Variants in TAFA1 observed in about 807,000 individuals in gnomAD.
The protein encoded by TAFA1 is chemokine-like protein TAFA-1.
TAFA1 carries 4 observed loss-of-function variants against 18.5 expected under a neutral mutation model. That is an observed-to-expected ratio of 0.22 (90% CI 0.11 to 0.49). The LOEUF (loss-of-function observed/expected upper bound fraction) is 0.49, where lower values mean the gene tolerates loss of function less well. TAFA1 is among the 20% of genes least tolerant of loss of function. The pLI is 0.98. For missense variants in TAFA1, 147 were observed against 169.0 expected, an observed-to-expected ratio of 0.87 and a Z score of 0.72; for synonymous variants, 56 against 55.2, an observed-to-expected ratio of 1.01 and a Z score of -0.06.
At chr3:68,316,062 G>A (rs192628363) in intron 2 of TAFA1, among the ~76,000 whole-genome samples, 1 of 152,324 alleles carries the variant, frequency 6.6e-6, no homozygotes, top group East Asian at 1.9e-4. Flanking sequence ...ATAATTCCCA[G>A]AGAATATGTG....
At chr3:68,514,180 A>T (rs2072888691) in intron 3 of TAFA1, among the ~76,000 whole-genome samples, 1 of 152,166 alleles carries the variant, frequency 6.6e-6, no homozygotes, top group African/African-American at 2.4e-5. Context: ...GGAGGTTAGG[A>T]ATTCAATGTA....
intron 2 of TAFA1, among the ~76,000 whole-genome samples, chr3:68,108,104 A>C (rs2065223617): frequency 6.6e-6 from 1 of 152,142 alleles, no homozygotes; most frequent in Admixed American, 6.6e-5. Context: ...TATAAAAATC[A>C]CCTTTTACAG....
At position 68,499,977 on chromosome 3, in the gene TAFA1, C is replaced by A. The variant is rs1303777765; in HGVS notation, c.260-38779C>A. On this transcript the variant is annotated intron_variant, in intron 3 of 4. Transcript: ENST00000478136. The stretch of plus-strand genomic sequence containing the variant: ...ACTGCAAGTACACGATAATAAACCA[C>A]AGGTTTTCTTAAGGCATAGCCTCAA... Among the ~76,000 whole-genome samples, 7 of 151,206 alleles carry A rather than the reference C, an allele frequency of 4.6e-5. No homozygotes were observed. The East Asian group carries it at 1.4e-3, about 30-fold the overall frequency.
chr3:68,191,545 G>A lies in TAFA1; in HGVS notation c.118+184801G>A, dbSNP rs1428452547. Among the ~76,000 whole-genome samples, 42 of 151,944 alleles carry A rather than the reference G, an allele frequency of 2.8e-4. No individual in the cohort carries two copies. The South Asian group carries it at 8.5e-3, about 31-fold the overall frequency. ...ATTGGTTTGGCTTTAGTACATACCT[G>A]TAGGATTGATGAATTGAAATATTTG... On this transcript the variant is annotated intron_variant, in intron 2 of 4. Coordinates refer to ENST00000478136, the MANE Select transcript of TAFA1 (RefSeq NM_213609.4).
At chr3:68,194,513 G>A (rs2066387830) in intron 2 of TAFA1, among the ~76,000 whole-genome samples, 1 of 151,728 alleles carries the variant, frequency 6.6e-6, no homozygotes, top group Non-Finnish European at 1.5e-5. Flanking sequence ...CAATCGTTAT[G>A]AAAGATATAT....
chr3:68,323,749 G>A (rs1298086719), intron 2 of TAFA1, among the ~76,000 whole-genome samples: 7 of 152,168 alleles, frequency 4.6e-5, no homozygotes, highest in Non-Finnish European at 8.8e-5. Context: ...AGCATGACAT[G>A]AGGCAGTGTT....
intron 2 of TAFA1, among the ~76,000 whole-genome samples, chr3:68,289,341 A>C (rs1418768421): frequency 1.3e-5 from 2 of 151,998 alleles, no homozygotes; most frequent in African/African-American, 4.8e-5. Context: ...TCTTTCCTCT[A>C]TGGTTCATGT....
intron 2 of TAFA1, among the ~76,000 whole-genome samples, chr3:68,026,397 C>T (rs986015268): frequency 6.6e-6 from 1 of 151,366 alleles, no homozygotes; most frequent in African/African-American, 2.4e-5. Context: ...ATCCAAATGG[C>T]AAGTTACTAT....
chr3:68,392,015 A>G (rs1287426844), intron 2 of TAFA1, among the ~76,000 whole-genome samples: 1 of 152,078 alleles, frequency 6.6e-6, no homozygotes, highest in Non-Finnish European at 1.5e-5. Flanking sequence ...AACAATACTA[A>G]CCTTAAATGT....
At chr3:68,371,858 G>T (rs2069713001) in intron 2 of TAFA1, among the ~76,000 whole-genome samples, 1 of 152,200 alleles carries the variant, frequency 6.6e-6, no homozygotes, top group Non-Finnish European at 1.5e-5. Flanking sequence ...ATTGGGAATG[G>T]TGCTACTGGT....
At chr3:68,011,181 C>A (rs1308688301) in intron 2 of TAFA1, among the ~76,000 whole-genome samples, 5 of 151,868 alleles carry the variant, frequency 3.3e-5, no homozygotes, top group African/African-American at 1.2e-4. Context: ...TATAAATCAT[C>A]TCAAAATTAT....
chr3:67,997,228 A>C, the TAFA1 span, among the ~76,000 whole-genome samples: 1 of 152,258 alleles, frequency 6.6e-6, no homozygotes, highest in African/African-American at 2.4e-5. Context: ...AATCTTAATT[A>C]CACCAAATAA....
chr3:67,999,650 T>C (rs1704262652), upstream of TAFA1, among the ~76,000 whole-genome samples: 2 of 151,406 alleles, frequency 1.3e-5, no homozygotes, highest in Admixed American at 1.3e-4. Flanking sequence ...GACAGTTTCC[T>C]TTTTTTTTCT....
chr3:68,082,150 C>T lies in TAFA1; in HGVS notation c.118+75406C>T, dbSNP rs559266835. ...GACCCCTTGCGCTTCCCAAGTGAGG[C>T]AGTGCCTCACCCTGCTTCGGCTCGC... On this transcript the variant is annotated intron_variant, in intron 2 of 4. Transcript: ENST00000478136. Among the ~76,000 whole-genome samples the T allele has an allele frequency of 6.6e-5, 10 of 152,214 alleles. No homozygotes were observed. The South Asian group carries it at 1.9e-3, about 28-fold the overall frequency.
At chr3:68,271,952 T>A (rs1254456884) in intron 2 of TAFA1, among the ~76,000 whole-genome samples, 3 of 152,118 alleles carry the variant, frequency 2.0e-5, no homozygotes, top group African/African-American at 7.2e-5. Flanking sequence ...TATGGTTAAG[T>A]GATTTTCAAG....
chr3:68,193,219 G>C (rs949529207), intron 2 of TAFA1, among the ~76,000 whole-genome samples: 1 of 151,782 alleles, frequency 6.6e-6, no homozygotes, highest in South Asian at 2.1e-4. Flanking sequence ...GCTAACTGTG[G>C]TATTTAGGGA....
rs1458359945 is a variant in TAFA1, at chr3:68,362,402, G to A, written c.119-54878G>A. 3.3e-5 allele frequency among the ~76,000 whole-genome samples: 5 copies of A among 152,036 alleles called. No homozygotes were observed. The South Asian group carries it at 8.3e-4, about 25-fold the overall frequency. On this transcript the variant is annotated intron_variant, in intron 2 of 4. Coordinates refer to ENST00000478136, the MANE Select transcript of TAFA1 (RefSeq NM_213609.4). ...GGGCTTTGAATGATAACATTCTCACGGACTGAAGACGGAGAAATGGTATCT... is the reference window on the plus strand; with the variant it reads ...GGGCTTTGAATGATAACATTCTCACAGACTGAAGACGGAGAAATGGTATCT...
intron 2 of TAFA1, among the ~76,000 whole-genome samples, chr3:68,417,004 G>C (rs9852606): frequency 0.35 from 52,402 of 151,888 alleles, 9,239 homozygotes; most frequent in East Asian, 0.46. Context: ...TGTGTTAGTT[G>C]CAGGCATTCA....
chr3:68,215,608 T>C (rs1270632181), intron 2 of TAFA1, among the ~76,000 whole-genome samples: 1 of 152,052 alleles, frequency 6.6e-6, no homozygotes, highest in Non-Finnish European at 1.5e-5. Flanking sequence ...CAAAATACAT[T>C]TCTGATAAGG....
Sources: allele counts gnomAD v4.1 joint callset (sites outside exome capture counted in the v4.1 genomes callset), GRCh38; gene constraint gnomAD v4.1.1; transcripts MANE v1.5; gene names NCBI Gene and HGNC (gene_info 2026-07-23, HGNC 2026-07-21).